Variants in VWA3B observed in about 807,000 individuals in gnomAD.
VWA3B encodes von Willebrand factor A domain-containing protein 3B.
VWA3B carries 138 observed loss-of-function variants against 158.3 expected under a neutral mutation model. The ratio of observed to expected loss-of-function variants is 0.87; its 90% CI spans 0.76 to 1.00. VWA3B has a LOEUF of 1.00. Among genes scored for constraint, VWA3B ranks in the 50% least tolerant of loss-of-function variants. The probability of loss-of-function intolerance (pLI) is 0.00; values close to 1 mark genes in which losing one functional copy is unlikely to be tolerated. For missense variants in VWA3B, 1,555 were observed against 1,565.1 expected, an observed-to-expected ratio of 0.99 and a Z score of 0.11; for synonymous variants, 596 against 587.3, an observed-to-expected ratio of 1.01 and a Z score of -0.21.
At chr2:98,162,823 G>A in intron 7 of VWA3B, 28 bp from the exon 8 acceptor site, 1 of 1,611,608 alleles carries the variant, frequency 6.2e-7, no homozygotes, top group Non-Finnish European at 8.5e-7. Context: ...GTCTCAGCCG[G>A]CCGCTCATGC....
At chr2:98,201,101 G>C (rs994412794) in intron 12 of VWA3B, among the ~76,000 whole-genome samples, 1 of 152,082 alleles carries the variant, frequency 6.6e-6, no homozygotes, top group Non-Finnish European at 1.5e-5. Context: ...TTTTTTGGCT[G>C]TTATATAGTT....
intron 2 of VWA3B, among the ~76,000 whole-genome samples, chr2:98,107,187 G>T (rs1173184022): frequency 6.6e-6 from 1 of 151,976 alleles, no homozygotes; most frequent in Non-Finnish European, 1.5e-5. Context: ...GTAAACTAGA[G>T]CATGTTTTAG....
rs1219543146 is a variant in VWA3B at position 98,267,375 on chromosome 2, G to A, written c.2844-3307G>A. ...TTATTGATTTGCATATATTGAACCA[G>A]CCTTGCATCTCACTCAAAACCGCTC... is the stretch of plus-strand genomic sequence containing the variant. On this transcript the variant is annotated intron_variant, in intron 21 of 27. Transcript: ENST00000477737. 3.3e-5 allele frequency among the ~76,000 whole-genome samples: 5 copies of A among 152,184 alleles called. No individual in the cohort carries two copies. In the East Asian group the frequency reaches 9.6e-4, roughly 29 times the overall value.
At chr2:98,281,389 G>A (rs1472243422) in intron 22 of VWA3B, among the ~76,000 whole-genome samples, 2 of 152,218 alleles carry the variant, frequency 1.3e-5, no homozygotes, top group Non-Finnish European at 2.9e-5. Flanking sequence ...AGCAGTGACA[G>A]ACTTTACATG....
intron 5 of VWA3B, 74 bp from the exon 6 acceptor site, chr2:98,128,165 G>A (rs1675532470): frequency 6.5e-7 from 1 of 1,528,522 alleles, no homozygotes; most frequent in African/African-American, 1.4e-5. Context: ...TTTGTAGAAT[G>A]GGTATTACTG....
chr2:98,308,542 C>T (rs1690674617), intron 26 of VWA3B, among the ~76,000 whole-genome samples: 1 of 152,266 alleles, frequency 6.6e-6, no homozygotes, highest in African/African-American at 2.4e-5. Flanking sequence ...TTGGCATCCT[C>T]TCTCCTTGCC....
intron 7 of VWA3B, among the ~76,000 whole-genome samples, chr2:98,136,234 A>G (rs1676273725): frequency 6.6e-6 from 1 of 152,198 alleles, no homozygotes; most frequent in South Asian, 2.1e-4. Context: ...ATAGTAAATT[A>G]TATATGCCAT....
At chr2:98,311,672 T>C (rs1241066776) in intron 26 of VWA3B, 147 bp from the exon 27 acceptor site, 3 of 953,000 alleles carry the variant, frequency 3.1e-6, no homozygotes, top group Non-Finnish European at 4.6e-6. Flanking sequence ...GCCTAAAGCA[T>C]TGGGTTCACA....
At chr2:98,097,816 G>A (rs1034740812) in intron 2 of VWA3B, among the ~76,000 whole-genome samples, 1 of 151,988 alleles carries the variant, frequency 6.6e-6, no homozygotes, top group Non-Finnish European at 1.5e-5. Context: ...GGGGTAAGGT[G>A]GTGTATCATC....
At chr2:98,278,270 G>A (rs541515750) in intron 22 of VWA3B, among the ~76,000 whole-genome samples, 2 of 152,312 alleles carry the variant, frequency 1.3e-5, no homozygotes, top group East Asian at 1.9e-4. Flanking sequence ...GGGCCAAGAT[G>A]AGTACTTCTG....
intron 12 of VWA3B, among the ~76,000 whole-genome samples, chr2:98,197,587 C>G (rs1241966847): frequency 6.6e-6 from 1 of 152,080 alleles, no homozygotes; most frequent in Non-Finnish European, 1.5e-5. Flanking sequence ...GAAAAGATTT[C>G]CCTTTCCCCC....
intron 22 of VWA3B, among the ~76,000 whole-genome samples, chr2:98,271,728 T>C (rs576183379): frequency 6.6e-6 from 1 of 152,280 alleles, no homozygotes; most frequent in South Asian, 2.1e-4. Flanking sequence ...CACAGTTGAA[T>C]TATTTTGTTA....
rs151054885 is a variant in VWA3B, at chr2:98,154,158, A to G, written c.989-8693A>G. Among the ~76,000 whole-genome samples, 724 of 152,284 alleles carry G rather than the reference A, an allele frequency of 4.8e-3. 8 individuals are homozygous for G. Among genetic ancestry groups the G allele is most frequent in the African/African-American group, 0.017 (699 of 41,558 alleles). Reference sequence around the variant, plus strand: ...GTTACAGGTGTGAGCCACCGCGCCCAGCAGGATTTCTTTCTACTGCTCTGA... The same window carrying G: ...GTTACAGGTGTGAGCCACCGCGCCCGGCAGGATTTCTTTCTACTGCTCTGA... On this transcript the variant is annotated intron_variant, in intron 7 of 27. Transcript: ENST00000477737.
intron 2 of VWA3B, among the ~76,000 whole-genome samples, chr2:98,098,093 C>G (rs1042342230): frequency 6.6e-6 from 1 of 152,024 alleles, no homozygotes; most frequent in Non-Finnish European, 1.5e-5. Flanking sequence ...ATACTTGATA[C>G]GATTTCAGTC....
chr2:98,147,849 C>A (rs893271358), intron 7 of VWA3B, among the ~76,000 whole-genome samples: 2 of 137,616 alleles, frequency 1.5e-5, no homozygotes, highest in Admixed American at 7.3e-5. Flanking sequence ...ATCACTCCCC[C>A]CTCCCCCCAC....
chr2:98,304,439 G>A (rs2106000536), intron 26 of VWA3B, among the ~76,000 whole-genome samples: 2 of 152,292 alleles, frequency 1.3e-5, no homozygotes, highest in Non-Finnish European at 2.9e-5. Flanking sequence ...TGTTGAGCAA[G>A]TGTTGGGGAA....
chr2:98,099,948 A>G (rs1682969781), intron 2 of VWA3B, among the ~76,000 whole-genome samples: 1 of 151,952 alleles, frequency 6.6e-6, no homozygotes, highest in Non-Finnish European at 1.5e-5. Flanking sequence ...TTATTCTGGT[A>G]ACTTATGGTT....
chr2:98,283,187 A>G (rs1361058491), intron 22 of VWA3B, among the ~76,000 whole-genome samples: 1 of 152,252 alleles, frequency 6.6e-6, no homozygotes, highest in South Asian at 2.1e-4. Flanking sequence ...TCAGAATTTT[A>G]AAAAGGAACT....
intron 8 of VWA3B, among the ~76,000 whole-genome samples, chr2:98,175,175 CTGTCCATGAGGGAAT>C (rs1329052426): frequency 6.6e-6 from 1 of 152,138 alleles, no homozygotes; most frequent in African/African-American, 2.4e-5. Flanking sequence ...TCCATAGGAA[CTGTCCATGAGGGAAT>C]TGTCCATGAG....
Sources: gnomAD v4.1 joint callset for allele counts (sites outside exome capture counted in the v4.1 genomes callset) on GRCh38, gnomAD v4.1.1 for gene constraint, MANE v1.5 for transcripts, NCBI Gene and HGNC (gene_info 2026-07-23, HGNC 2026-07-21) for gene names.